The following BCAS3 variants were observed in gnomAD, a reference collection of about 807,000 sequenced individuals.
BCAS3 encodes the protein BCAS4/BCAS3 fusion.
BCAS3 carries 53 observed loss-of-function variants against 116.1 expected under a neutral mutation model. That is an observed-to-expected ratio of 0.46 (90% CI 0.37 to 0.57). BCAS3 has a LOEUF of 0.57. Among genes scored for constraint, BCAS3 ranks in the 20% least tolerant of loss-of-function variants. BCAS3 has a pLI of 0.00. For missense variants in BCAS3, 917 were observed against 1,165.4 expected, an observed-to-expected ratio of 0.79 and a Z score of 3.10; for synonymous variants, 391 against 408.2, an observed-to-expected ratio of 0.96 and a Z score of 0.51.
rs1378931725 is a variant in BCAS3, at chr17:61,058,183, G to T, written c.2030-16737G>T. On this transcript the variant is annotated intron_variant, in intron 19 of 23. Coordinates refer to ENST00000407086, the MANE Select transcript of BCAS3 (RefSeq NM_017679.5). ...CCAGTAACCGAGGCATAAGGTTGGTGGGTGAGTGCCACAGATTGTCTCTCT... is the reference window on the plus strand; with the variant it reads ...CCAGTAACCGAGGCATAAGGTTGGTTGGTGAGTGCCACAGATTGTCTCTCT... 2.6e-5 allele frequency among the ~76,000 whole-genome samples: 4 copies of T among 152,254 alleles called. No individual in the cohort carries two copies. The East Asian group carries it at 7.7e-4, about 29-fold the overall frequency.
chr17:61,094,140 T>C (rs1601181276), intron 22 of BCAS3, among the ~76,000 whole-genome samples: 1 of 152,370 alleles, frequency 6.6e-6, no homozygotes, highest in East Asian at 1.9e-4. Context: ...TAGCCTCTGC[T>C]ACCTACTTAA....
At chr17:60,694,284 C>G (rs973231605) in intron 4 of BCAS3, among the ~76,000 whole-genome samples, 1 of 151,928 alleles carries the variant, frequency 6.6e-6, no homozygotes, top group Non-Finnish European at 1.5e-5. Flanking sequence ...GAGCAGATCA[C>G]AAGGTCAAGA....
chr17:60,754,336 C>T (rs12941656), intron 6 of BCAS3, among the ~76,000 whole-genome samples: 110,135 of 151,828 alleles, frequency 0.73, 45,642 homozygotes, highest in South Asian at 0.98. Flanking sequence ...CTCCAAGTAG[C>T]TGAGACCACA....
chr17:61,308,865 T>C (rs2054071901), intron 22 of BCAS3, among the ~76,000 whole-genome samples: 1 of 152,178 alleles, frequency 6.6e-6, no homozygotes, highest in Non-Finnish European at 1.5e-5. Flanking sequence ...TTACTTGGCA[T>C]TATTTATGGT....
chr17:60,782,696 C>G (rs928585332), intron 6 of BCAS3, among the ~76,000 whole-genome samples: 2 of 151,774 alleles, frequency 1.3e-5, no homozygotes, highest in East Asian at 1.9e-4. Flanking sequence ...AGCAATTCAC[C>G]TGTCTCAGCC....
chr17:61,050,276 A>G (rs569494817), intron 19 of BCAS3, among the ~76,000 whole-genome samples: 1 of 152,060 alleles, frequency 6.6e-6, no homozygotes, highest in Non-Finnish European at 1.5e-5. Flanking sequence ...AATGGATGAG[A>G]TATTTTTCTA....
chr17:60,817,575 T>C (rs1003429219), intron 7 of BCAS3, among the ~76,000 whole-genome samples: 1 of 152,132 alleles, frequency 6.6e-6, no homozygotes, highest in African/African-American at 2.4e-5. Flanking sequence ...TTAACTGCCT[T>C]GTGTTGTAGA....
At chr17:61,055,293 G>A (rs2069262523) in intron 19 of BCAS3, among the ~76,000 whole-genome samples, 1 of 152,182 alleles carries the variant, frequency 6.6e-6, no homozygotes, top group Non-Finnish European at 1.5e-5. Flanking sequence ...TGCTGTGTTA[G>A]TGGTAACAGG....
chr17:61,100,273 A>T (rs1329330951), intron 22 of BCAS3, among the ~76,000 whole-genome samples: 1 of 152,176 alleles, frequency 6.6e-6, no homozygotes, highest in Non-Finnish European at 1.5e-5. Context: ...GGAAATAGCG[A>T]ACCCTATGAT....
At chr17:61,371,088 T>C (rs1430538023) in intron 23 of BCAS3, among the ~76,000 whole-genome samples, 1 of 152,234 alleles carries the variant, frequency 6.6e-6, no homozygotes, top group Non-Finnish European at 1.5e-5. Context: ...AGGCACCACA[T>C]GTGACACAGC....
At chr17:61,216,650 T>C (rs2081811071) in intron 22 of BCAS3, among the ~76,000 whole-genome samples, 1 of 151,804 alleles carries the variant, frequency 6.6e-6, no homozygotes, top group South Asian at 2.1e-4. Flanking sequence ...TTCAAGCGAT[T>C]CTCCTGCCTC....
At chr17:60,910,896 C>G (rs895062208) in intron 12 of BCAS3, among the ~76,000 whole-genome samples, 194 bp downstream of exon 12, 1 of 151,842 alleles carries the variant, frequency 6.6e-6, no homozygotes, top group Non-Finnish European at 1.5e-5. Context: ...ATTATTAATG[C>G]ATCAAACCTG....
chr17:61,374,858 A>T (rs531691481), intron 23 of BCAS3, among the ~76,000 whole-genome samples: 14 of 152,288 alleles, frequency 9.2e-5, no homozygotes, highest in African/African-American at 2.6e-4. Context: ...TTCATTTTTT[A>T]AAAAATGCAC....
intron 14 of BCAS3, among the ~76,000 whole-genome samples, chr17:60,972,100 G>T (rs1354261795): frequency 6.6e-6 from 1 of 152,198 alleles, no homozygotes; most frequent in East Asian, 1.9e-4. Flanking sequence ...TAGGTGGTCT[G>T]TTGTGCAGTT....
At chr17:61,350,370 G>T (rs2057754466) in intron 22 of BCAS3, among the ~76,000 whole-genome samples, 1 of 151,748 alleles carries the variant, frequency 6.6e-6, no homozygotes, top group Admixed American at 6.6e-5. Flanking sequence ...AGCCAAGATC[G>T]TGCCACTGCA....
At position 60,838,095 on chromosome 17, in the gene BCAS3, A is replaced by G. The variant is rs753929528; in HGVS notation, c.476+30019A>G. On this transcript the variant is annotated intron_variant, in intron 7 of 23. Coordinates refer to ENST00000407086, the MANE Select transcript of BCAS3 (RefSeq NM_017679.5). Reference sequence around the variant, plus strand: ...AGACATGGCGAGATAAACCCCACAAATTGATCACAGAATTGATGAATTGTA... The same window carrying G: ...AGACATGGCGAGATAAACCCCACAAGTTGATCACAGAATTGATGAATTGTA... Among the ~76,000 whole-genome samples, 33 of 152,318 alleles carry G rather than the reference A, an allele frequency of 2.2e-4. 1 individual carries two copies. The Middle Eastern group carries it at 0.017, about 78-fold the overall frequency.
At chr17:61,146,253 T>G (rs1004668339) in intron 22 of BCAS3, among the ~76,000 whole-genome samples, 1 of 151,614 alleles carries the variant, frequency 6.6e-6, no homozygotes, top group Non-Finnish European at 1.5e-5. Flanking sequence ...ATTACAGGTG[T>G]AAGCCACTAC....
At position 61,224,213 on chromosome 17, in the gene BCAS3, GGAT is replaced by G. The variant is rs146240397; in HGVS notation, c.2425+139654_2425+139656del. Reference sequence around the variant, plus strand: ...TCTATCATGTGCATCTCTGTACCATGGATGATGGGAAGATATACAAAGTAAAGT... The same window carrying G: ...TCTATCATGTGCATCTCTGTACCATGGATGGGAAGATATACAAAGTAAAGT... On this transcript the variant is annotated intron_variant, in intron 22 of 23. Coordinates refer to ENST00000407086, the MANE Select transcript of BCAS3 (RefSeq NM_017679.5). This position sits in a 1 kb window ranked among gnomAD's most constrained non-coding sequence, Gnocchi z 5.7. Among the ~76,000 whole-genome samples the G allele has an allele frequency of 5.1e-4, 78 of 152,276 alleles. No individual in the cohort carries two copies. The highest frequency in any genetic ancestry group is 1.1e-3 in the Non-Finnish European group (72 of 68,032).
At chr17:60,738,406 C>T (rs936642448) in intron 5 of BCAS3, among the ~76,000 whole-genome samples, 1 of 152,140 alleles carries the variant, frequency 6.6e-6, no homozygotes, top group African/African-American at 2.4e-5. Flanking sequence ...TAGTAAGCAC[C>T]GATTAAGTCT....
Sources: allele counts gnomAD v4.1 joint callset (sites outside exome capture counted in the v4.1 genomes callset), GRCh38; gene constraint gnomAD v4.1.1; non-coding constraint Gnocchi (gnomAD v3.1); transcripts MANE v1.5; gene names NCBI Gene and HGNC (gene_info 2026-07-23, HGNC 2026-07-21).